MAP3K3: variants seen among roughly 807,000 people sequenced by gnomAD.
MAP3K3 encodes the protein mitogen-activated protein kinase kinase kinase 3.
In MAP3K3, 12 loss-of-function variants were observed where a neutral mutation model predicts 80.9. That is an observed-to-expected ratio of 0.15 (90% CI 0.10 to 0.24). The LOEUF is 0.24. Among genes scored for constraint, MAP3K3 ranks in the 10% least tolerant of loss-of-function variants. The pLI is 1.00. For synonymous variants in MAP3K3, 272 were observed against 307.1 expected (o/e 0.89, Z 1.19); for missense variants, 596 against 834.7 (o/e 0.71, Z 3.52).
chr17:63,686,496 G>T (rs1032429117), intron 8 of MAP3K3, among the ~76,000 whole-genome samples: 10 of 152,200 alleles, frequency 6.6e-5, no homozygotes, highest in Non-Finnish European at 1.5e-4. Flanking sequence ...ATAGACTGAG[G>T]GCTCTGCCAA....
chr17:63,673,652 T>A (rs1466523377), intron 6 of MAP3K3, among the ~76,000 whole-genome samples: 1 of 152,182 alleles, frequency 6.6e-6, no homozygotes, highest in Non-Finnish European at 1.5e-5. Context: ...GGCTCATGCC[T>A]ATAATCTTAA....
chr17:63,669,097 G>A (rs1195077599), intron 6 of MAP3K3, among the ~76,000 whole-genome samples: 1 of 152,180 alleles, frequency 6.6e-6, no homozygotes, highest in African/African-American at 2.4e-5. Flanking sequence ...GGTAGATGTG[G>A]CAAGAGAATG....
chr17:63,635,854 G>T (rs181369101), intron 2 of MAP3K3, among the ~76,000 whole-genome samples: 2 of 152,344 alleles, frequency 1.3e-5, no homozygotes, highest in East Asian at 3.9e-4. Context: ...TTTAAATGGT[G>T]AAGAGTTGCC....
In MAP3K3 at chr17:63,695,745, C is replaced by G. The variant is rs1054185460; in HGVS notation, c.*1968C>G. 6.6e-6 allele frequency: 1 copy of G among 152,590 alleles called. No homozygotes were observed. Among genetic ancestry groups the G allele is most frequent in the African/African-American group, 2.4e-5 (1 of 41,448 alleles). 9.5% of individuals were successfully genotyped at this position (152,590 alleles called of 1,614,324 possible). On this transcript the variant is annotated 3_prime_UTR_variant, in exon 16 of 16. Transcript: ENST00000361733. This position sits in a 1 kb window ranked among gnomAD's most constrained non-coding sequence, Gnocchi z 4.1. ...GTCCCAGGTTCAGGGTCTTACAGAG[C>G]TCCACCCCCTGGGGTCTTACCTCAC...
chr17:63,650,658 T>TAGAG (rs61412799), intron 3 of MAP3K3, among the ~76,000 whole-genome samples: 2,895 of 117,200 alleles, frequency 0.025, 32 homozygotes, highest in Non-Finnish European at 0.034. Context: ...CTGTCTCTTA[T>TAGAG]AGAGAGAGAG....
At chr17:63,638,596 G>T (rs1055447321) in intron 2 of MAP3K3, among the ~76,000 whole-genome samples, 1 of 152,206 alleles carries the variant, frequency 6.6e-6, no homozygotes, top group African/African-American at 2.4e-5. Flanking sequence ...TCTCCTGAGC[G>T]TGGCTGTCAC....
Position 63,695,689 on chromosome 17 carries a change from CAG to C in MAP3K3, c.*1915_*1916del. 1 of 152,710 alleles carries C rather than the reference CAG, an allele frequency of 6.5e-6. No individual in the cohort carries two copies. The allele number at this position is 152,710 out of a possible 1,614,324, so 9.5% of individuals were successfully genotyped here. On this transcript the variant is annotated 3_prime_UTR_variant, in exon 16 of 16. Transcript: ENST00000361733. The surrounding 1 kb of genome is among the most constrained non-coding windows in gnomAD (Gnocchi z 4.1). ...CCAGTCCCTGTTCCCCAAGAGGATA[CAG>C]AGCACGGTGCTGGCTGACTCAACTG...
At chr17:63,664,759 A>G (rs1028811660) in intron 5 of MAP3K3, among the ~76,000 whole-genome samples, 2 of 152,098 alleles carry the variant, frequency 1.3e-5, no homozygotes, top group Admixed American at 6.6e-5. Flanking sequence ...GTTCATACCT[A>G]TGGGCTCTCC....
At chr17:63,637,021 C>T (rs914484969) in intron 2 of MAP3K3, 8 of 576,172 alleles carry the variant, frequency 1.4e-5, no homozygotes, top group African/African-American at 2.0e-5. Flanking sequence ...TGGTGGGGGA[C>T]GACAAGGTGG....
In MAP3K3 at chr17:63,691,305, G is replaced by C; in HGVS notation, c.1344+72G>C. Reference sequence around the variant, plus strand: ...GACCTGGGGGCTGGGGCCTGCAGGAGGGGGGTCACCTTGGATAGGAGTTTG... The same window carrying C: ...GACCTGGGGGCTGGGGCCTGCAGGACGGGGGTCACCTTGGATAGGAGTTTG... On this transcript the variant is annotated intron_variant, in intron 13 of 15. Transcript: ENST00000361733. The surrounding 1 kb of genome is among the most constrained non-coding windows in gnomAD (Gnocchi z 4.8). 1 of 1,597,966 alleles carries C rather than the reference G, an allele frequency of 6.3e-7. No individual in the cohort carries two copies. The highest frequency in any genetic ancestry group is 2.2e-5 in the East Asian group (1 of 44,584).
Position 63,691,303 on chromosome 17 carries a change from G to T in MAP3K3, c.1344+70G>T. 2 of 1,603,770 alleles carry T rather than the reference G, an allele frequency of 1.2e-6. No homozygotes were observed. Among genetic ancestry groups the T allele is most frequent in the Non-Finnish European group, 1.7e-6 (2 of 1,173,616 alleles). ...CTGACCTGGGGGCTGGGGCCTGCAGGAGGGGGGTCACCTTGGATAGGAGTT... is the reference window on the plus strand; with the variant it reads ...CTGACCTGGGGGCTGGGGCCTGCAGTAGGGGGGTCACCTTGGATAGGAGTT... On this transcript the variant is annotated intron_variant, in intron 13 of 15. Transcript: ENST00000361733. The surrounding 1 kb of genome is among the most constrained non-coding windows in gnomAD (Gnocchi z 4.8).
intron 4 of MAP3K3, among the ~76,000 whole-genome samples, chr17:63,655,985 T>G (rs1309739384): frequency 6.6e-6 from 1 of 152,138 alleles, no homozygotes; most frequent in African/African-American, 2.4e-5. Context: ...ATGCCAGCAC[T>G]TTGGGAGGCT....
chr17:63,673,425 G>A (rs929449079), intron 6 of MAP3K3, among the ~76,000 whole-genome samples: 4 of 151,892 alleles, frequency 2.6e-5, no homozygotes, highest in Middle Eastern at 3.2e-3. Flanking sequence ...ACCCTACTAA[G>A]TAATGAGTTA....
chr17:63,673,192 T>G (rs1178196020), intron 6 of MAP3K3, among the ~76,000 whole-genome samples: 1 of 152,188 alleles, frequency 6.6e-6, no homozygotes, highest in African/African-American at 2.4e-5. Context: ...AAAATCAGCT[T>G]TCTCTCACTT....
chr17:63,660,562 T>C (rs1436606680), intron 5 of MAP3K3, among the ~76,000 whole-genome samples: 2 of 145,646 alleles, frequency 1.4e-5, no homozygotes, highest in East Asian at 3.9e-4. Flanking sequence ...TTCTTCTCTT[T>C]GGATTCTTCT....
intron 5 of MAP3K3, among the ~76,000 whole-genome samples, chr17:63,662,164 G>T (rs1049672814): frequency 8.6e-5 from 13 of 151,492 alleles, no homozygotes; most frequent in Non-Finnish European, 1.6e-4. Flanking sequence ...TCAGCACTTT[G>T]GGAGGCTGAG....
chr17:63,636,420 C>T (rs2034324452), intron 2 of MAP3K3, among the ~76,000 whole-genome samples: 1 of 152,160 alleles, frequency 6.6e-6, no homozygotes, highest in Admixed American at 6.5e-5. Context: ...GTGGTTAGAG[C>T]TGACTGAATA....
At chr17:63,631,571 C>G (rs944951918) in intron 1 of MAP3K3, among the ~76,000 whole-genome samples, 2 of 152,156 alleles carry the variant, frequency 1.3e-5, no homozygotes, top group Non-Finnish European at 1.5e-5. Flanking sequence ...TTTTCAATCT[C>G]CAAATGCTAT....
intron 3 of MAP3K3, among the ~76,000 whole-genome samples, chr17:63,651,198 T>C (rs2034648464): frequency 1.3e-5 from 2 of 152,078 alleles, no homozygotes; most frequent in Non-Finnish European, 2.9e-5. Context: ...TCAAACTTTT[T>C]ATTGGCCAAG....
Sources: allele counts gnomAD v4.1 joint callset (sites outside exome capture counted in the v4.1 genomes callset), GRCh38; gene constraint gnomAD v4.1.1; non-coding constraint Gnocchi (gnomAD v3.1); transcripts MANE v1.5; gene names NCBI Gene and HGNC (gene_info 2026-07-23, HGNC 2026-07-21).